Variants in USH2A observed in about 807,000 individuals in gnomAD.
The protein encoded by USH2A is usherin, also known as Usher syndrome 2A (autosomal recessive, mild).
A neutral mutation model predicts 538.9 loss-of-function variants in USH2A; 443 were observed. The ratio of observed to expected loss-of-function variants is 0.82; its 90% CI spans 0.76 to 0.89. The LOEUF is 0.89. Among genes scored for constraint, USH2A ranks in the 40% least tolerant of loss-of-function variants. The pLI is 0.00. For missense variants in USH2A, 6,633 were observed against 6,324.8 expected (o/e 1.05, Z -1.65); for synonymous variants, 2,413 against 2,273.5 (o/e 1.06, Z -1.75).
intron 3 of USH2A, among the ~76,000 whole-genome samples, chr1:216,398,522 G>A (rs2039254549): frequency 1.4e-5 from 2 of 146,232 alleles, no homozygotes; most frequent in Admixed American, 1.4e-4. Flanking sequence ...AACTCCAATG[G>A]AAAAACCAAA....
intron 20 of USH2A, among the ~76,000 whole-genome samples, chr1:216,177,328 A>G (rs931281043): frequency 1.3e-5 from 2 of 152,146 alleles, no homozygotes; most frequent in African/African-American, 4.8e-5. Context: ...AACATTTTTC[A>G]TATGTGTATT....
intron 62 of USH2A, among the ~76,000 whole-genome samples, chr1:215,677,002 C>T (rs1360664830): frequency 6.6e-6 from 1 of 152,058 alleles, no homozygotes; most frequent in Non-Finnish European, 1.5e-5. Context: ...TGTCATTTTC[C>T]CAGGTGATTA....
intron 47 of USH2A, among the ~76,000 whole-genome samples, chr1:215,824,091 T>G (rs1663090029): frequency 6.6e-6 from 1 of 152,096 alleles, no homozygotes. Flanking sequence ...AAGTTGTATG[T>G]CTGCAAACAC....
chr1:215,788,460 A>G (rs1661865443), intron 51 of USH2A, among the ~76,000 whole-genome samples: 1 of 152,192 alleles, frequency 6.6e-6, no homozygotes, highest in South Asian at 2.1e-4. Flanking sequence ...CTTCGGTTCT[A>G]GAGATGTTAC....
intron 37 of USH2A, among the ~76,000 whole-genome samples, chr1:215,954,847 G>A (rs2102444780): frequency 6.6e-6 from 1 of 152,216 alleles, no homozygotes; most frequent in African/African-American, 2.4e-5. Context: ...AGTCTCATCT[G>A]TGCCATTCTT....
intron 20 of USH2A, among the ~76,000 whole-genome samples, chr1:216,179,473 A>C (rs1023615673): frequency 7.2e-5 from 11 of 152,164 alleles, no homozygotes; most frequent in African/African-American, 2.7e-4. Context: ...CCTGAGAATG[A>C]ATAGAACTAG....
intron 14 of USH2A, among the ~76,000 whole-genome samples, chr1:216,227,736 G>A (rs1285085421): frequency 6.6e-6 from 1 of 152,220 alleles, no homozygotes; most frequent in South Asian, 2.1e-4. Flanking sequence ...TCTATGAGCA[G>A]AGGGCCAGAT....
At chr1:215,635,977 G>C (rs1260934479) in intron 69 of USH2A, among the ~76,000 whole-genome samples, 1 of 152,028 alleles carries the variant, frequency 6.6e-6, no homozygotes, top group Non-Finnish European at 1.5e-5. Context: ...CGGCAGGGGT[G>C]GGGGTGGGGT....
At chr1:215,796,100 TTC>T (rs1304491808) in intron 50 of USH2A, among the ~76,000 whole-genome samples, 1 of 152,218 alleles carries the variant, frequency 6.6e-6, no homozygotes, top group Non-Finnish European at 1.5e-5. Flanking sequence ...TTAATTTTCT[TTC>T]TGAGTCTGCA....
Position 215,782,801 on chromosome 1 carries a change from T to C in USH2A, c.10522A>G (p.Thr3508Ala). The C allele has an allele frequency of 6.2e-7, 1 of 1,614,032 alleles. No individual in the cohort carries two copies. Among genetic ancestry groups the C allele is most frequent in the Non-Finnish European group, 8.5e-7 (1 of 1,179,928 alleles). The change falls in exon 53 of 72, where the codon ACC becomes GCC. Residue 3508 changes from threonine (T) to alanine (A), a missense_variant. Coordinates refer to ENST00000307340, the MANE Select transcript of USH2A (RefSeq NM_206933.4). ...GTATCTTCAAGATTGTCTATTTTGG[T>C]CCACGTAGGGGGACTCACTCCTTGA... ...VPQGVSPPTW[T>A]KIDNLEDTIV...
At chr1:216,157,511 C>T (rs2033971921) in intron 21 of USH2A, among the ~76,000 whole-genome samples, 1 of 152,146 alleles carries the variant, frequency 6.6e-6, no homozygotes, top group Non-Finnish European at 1.5e-5. Context: ...AAGACGCATG[C>T]ACTCATATGT....
chr1:215,855,345 A>G (rs552638862), intron 44 of USH2A, among the ~76,000 whole-genome samples: 2 of 152,334 alleles, frequency 1.3e-5, no homozygotes, highest in Admixed American at 1.3e-4. Context: ...ACTGTTATAC[A>G]CAAAGAGCTA....
intron 61 of USH2A, among the ~76,000 whole-genome samples, chr1:215,687,982 C>G (rs1658486002): frequency 6.6e-6 from 1 of 151,948 alleles, no homozygotes; most frequent in African/African-American, 2.4e-5. Flanking sequence ...ATAGAGAGAT[C>G]AAGACATAGA....
At chr1:215,657,859 T>C (rs1657311314) in intron 64 of USH2A, among the ~76,000 whole-genome samples, 1 of 152,136 alleles carries the variant, frequency 6.6e-6, no homozygotes, top group African/African-American at 2.4e-5. Context: ...CTTGTGAATA[T>C]GGTTCTCCTC....
intron 37 of USH2A, among the ~76,000 whole-genome samples, chr1:215,940,719 GCAT>G (rs1285499596): frequency 3.3e-5 from 5 of 152,062 alleles, no homozygotes; most frequent in Non-Finnish European, 5.9e-5. Context: ...CTCGATTAAT[GCAT>G]CATATTTCTT....
chr1:216,058,402 C>T (rs1482166964), intron 30 of USH2A, among the ~76,000 whole-genome samples: 1 of 149,096 alleles, frequency 6.7e-6, no homozygotes, highest in Non-Finnish European at 1.5e-5. Context: ...TTATAAAAAT[C>T]ATGTTACAAT....
chr1:215,864,450 G>C (rs1476769977), intron 44 of USH2A, among the ~76,000 whole-genome samples: 3 of 151,972 alleles, frequency 2.0e-5, no homozygotes, highest in Non-Finnish European at 4.4e-5. Flanking sequence ...TATAAAGCAG[G>C]GATAAACATC....
intron 30 of USH2A, among the ~76,000 whole-genome samples, chr1:216,053,353 A>G (rs906427751): frequency 1.3e-5 from 2 of 152,114 alleles, no homozygotes; most frequent in African/African-American, 2.4e-5. Context: ...GATACTTGTG[A>G]CACTTGGGGT....
At chr1:215,707,448 C>G (rs1659212926) in intron 61 of USH2A, among the ~76,000 whole-genome samples, 2 of 152,100 alleles carry the variant, frequency 1.3e-5, no homozygotes, top group African/African-American at 4.8e-5. Flanking sequence ...GCTTTTGTGA[C>G]AATTAAAACA....
Sources: gnomAD v4.1 joint callset for allele counts (sites outside exome capture counted in the v4.1 genomes callset) on GRCh38, gnomAD v4.1.1 for gene constraint, MANE v1.5 for transcripts, NCBI Gene and HGNC (gene_info 2026-07-23, HGNC 2026-07-21) for gene names.